Variants in GM2A observed in about 807,000 individuals in gnomAD.
The protein encoded by GM2A is ganglioside GM2 activator.
GM2A carries 7 observed loss-of-function variants against 12.9 expected under a neutral mutation model. The observed-to-expected ratio is 0.54, with a 90% CI of 0.31 to 1.02. The LOEUF is 1.02. Among genes scored for constraint, GM2A ranks in the 50% least tolerant of loss-of-function variants. The probability of loss-of-function intolerance (pLI) is 0.05; values close to 1 mark genes in which losing one functional copy is unlikely to be tolerated. For missense variants in GM2A, 246 were observed against 241.0 expected, an observed-to-expected ratio of 1.02 and a Z score of -0.14; for synonymous variants, 101 against 96.0, an observed-to-expected ratio of 1.05 and a Z score of -0.30.
At chr5:151,255,133 C>A (rs941558753) in intron 1 of GM2A, among the ~76,000 whole-genome samples, 3 of 152,252 alleles carry the variant, frequency 2.0e-5, no homozygotes, top group Admixed American at 2.0e-4. Flanking sequence ...GAAGCCCCAT[C>A]TCTGCAAAAA....
chr5:151,268,803 G>A lies in GM2A; in HGVS notation c.*1352G>A. 1 of 865,124 alleles carries A rather than the reference G, an allele frequency of 1.2e-6. No homozygotes were observed. Among genetic ancestry groups the A allele is most frequent in the Non-Finnish European group, 1.4e-6 (1 of 720,230 alleles). 53.6% of individuals were successfully genotyped at this position (865,124 alleles called of 1,614,324 possible). ...TTTAAAAAGCTGTGCAGTGTGATGT[G>A]TCCCAAACGGACTGGCTCATGGGTG... is the stretch of plus-strand genomic sequence containing the variant. On this transcript the variant is annotated 3_prime_UTR_variant, in exon 4 of 4. Coordinates refer to ENST00000357164, the MANE Select transcript of GM2A (RefSeq NM_000405.5).
chr5:151,270,224 C>A lies in GM2A; in HGVS notation c.*2773C>A, dbSNP rs949393143. Reference sequence around the variant, plus strand: ...GGAGAAAGTTGAAGTTAGACCTGTACTTCACACCATATGCAAGAATGAACT... The same window carrying A: ...GGAGAAAGTTGAAGTTAGACCTGTAATTCACACCATATGCAAGAATGAACT... On this transcript the variant is annotated 3_prime_UTR_variant, in exon 4 of 4. Coordinates refer to ENST00000357164, the MANE Select transcript of GM2A (RefSeq NM_000405.5). 3 of 579,714 alleles carry A rather than the reference C, an allele frequency of 5.2e-6. No individual in the cohort carries two copies. 35.9% of individuals were successfully genotyped at this position (579,714 alleles called of 1,614,324 possible).
intron 2 of GM2A, among the ~76,000 whole-genome samples, chr5:151,265,843 G>A (rs927678782): frequency 3.9e-5 from 6 of 152,188 alleles, no homozygotes; most frequent in South Asian, 2.1e-4. Flanking sequence ...CAGGGAGCCC[G>A]TACTCCTTGA....
At chr5:151,260,744 CAT>C (rs1296805168) in intron 2 of GM2A, among the ~76,000 whole-genome samples, 1 of 152,172 alleles carries the variant, frequency 6.6e-6, no homozygotes, top group Non-Finnish European at 1.5e-5. Flanking sequence ...ACATAACACA[CAT>C]ATTTATTTTT....
Position 151,269,738 on chromosome 5 carries a change from C to T in GM2A, c.*2287C>T, listed in dbSNP as rs1215369940. On this transcript the variant is annotated 3_prime_UTR_variant, in exon 4 of 4. Coordinates refer to ENST00000357164, the MANE Select transcript of GM2A (RefSeq NM_000405.5). ...CGGAATGCCATGCTGAAACTCACTG[C>T]AACCCCACGGTCCCGCTTTAAGGTC... The T allele has an allele frequency of 2.5e-5, 4 of 162,462 alleles. No individual in the cohort carries two copies. Among genetic ancestry groups the T allele is most frequent in the Non-Finnish European group, 3.9e-5 (3 of 76,960 alleles). The allele number at this position is 162,462 out of a possible 1,614,324, so 10.1% of individuals were successfully genotyped here. A position where few individuals can be genotyped will look rare whatever the true frequency, so the allele number is the denominator to read the frequency against.
chr5:151,263,341 AT>A (rs898767089), intron 2 of GM2A, among the ~76,000 whole-genome samples: 20 of 151,840 alleles, frequency 1.3e-4, no homozygotes, highest in African/African-American at 4.8e-4. Flanking sequence ...AAGTGCTGGG[AT>A]TACAGGCGTG....
rs1386828704 is a variant in GM2A, at chr5:151,253,216, G to A, written c.-1G>A. On this transcript the variant is annotated 5_prime_UTR_variant, in exon 1 of 4. Transcript: ENST00000357164. ...AACTCCGCCCTGACCCACCCTTCCC[G>A]ATGCAGTCCCTGATGCAGGCTCCCC... 3 of 1,613,424 alleles carry A rather than the reference G, an allele frequency of 1.9e-6. No homozygotes were observed. Among genetic ancestry groups the A allele is most frequent in the South Asian group, 1.1e-5 (1 of 91,070 alleles).
At chr5:151,256,062 G>A (rs1273763363) in intron 1 of GM2A, among the ~76,000 whole-genome samples, 1 of 152,138 alleles carries the variant, frequency 6.6e-6, no homozygotes. Context: ...GGGTGACAGT[G>A]AATGAACATC....
intron 1 of GM2A, among the ~76,000 whole-genome samples, chr5:151,257,633 T>C (rs781287080): frequency 4.6e-5 from 7 of 152,184 alleles, no homozygotes; most frequent in African/African-American, 7.2e-5. Context: ...CTATAGTAAA[T>C]GCAACCTCCC....
rs761411485 is a variant in GM2A, at chr5:151,267,292, G to A, written c.427-4G>A. On this transcript the variant is annotated splice_region_variant and splice_polypyrimidine_tract_variant and intron_variant, in intron 3 of 3. Transcript: ENST00000357164. Reference sequence around the variant, plus strand: ...TGACTGGCGGTCCACTGGCTTTCCCGCAGGGAACCTACTCACTGCCCAAGA... The same window carrying A: ...TGACTGGCGGTCCACTGGCTTTCCCACAGGGAACCTACTCACTGCCCAAGA... 36 of 1,613,956 alleles carry A rather than the reference G, an allele frequency of 2.2e-5. No individual in the cohort carries two copies. The highest frequency in any genetic ancestry group is 1.6e-4 in the Middle Eastern group (1 of 6,084).
At chr5:151,255,996 C>A (rs1009518745) in intron 1 of GM2A, among the ~76,000 whole-genome samples, 2 of 152,090 alleles carry the variant, frequency 1.3e-5, no homozygotes, top group Non-Finnish European at 2.9e-5. Context: ...TCTTGGGGCT[C>A]ATGTGATTCA....
Position 151,266,902 on chromosome 5 carries a change from C to A in GM2A, c.415C>A (p.Pro139Thr), listed in dbSNP as rs767374072. The part of the protein sequence containing the change: ...LRTYGLPCHC[P>T]FKEGTYSLPK... ...TACCTATGGGCTTCCTTGCCACTGTCCCTTCAAAGAAGTAAGTACTTAGGG... is the reference window on the plus strand; with the variant it reads ...TACCTATGGGCTTCCTTGCCACTGTACCTTCAAAGAAGTAAGTACTTAGGG... The change falls in exon 3 of 4, where the codon CCC (proline) becomes ACC (threonine). Residue 139 changes from proline to threonine, a missense_variant. By Grantham distance (38) the Pro-to-Thr change is conservative (BLOSUM62 -1). Transcript: ENST00000357164. The A allele has an allele frequency of 4.3e-6, 7 of 1,613,114 alleles. No homozygotes were observed. The South Asian group carries it at 6.6e-5, about 15-fold the overall frequency.
chr5:151,269,572 C>T lies in GM2A; in HGVS notation c.*2121C>T. On this transcript the variant is annotated 3_prime_UTR_variant, in exon 4 of 4. Coordinates refer to ENST00000357164, the MANE Select transcript of GM2A (RefSeq NM_000405.5). Reference sequence around the variant, plus strand: ...GGAGCAAAGACCACCTGGTGACTATCAGGCCATGCAGAGGCAAAACGCCTT... The same window carrying T: ...GGAGCAAAGACCACCTGGTGACTATTAGGCCATGCAGAGGCAAAACGCCTT... 2 of 432,022 alleles carry T rather than the reference C, an allele frequency of 4.6e-6. No individual in the cohort carries two copies. Among genetic ancestry groups the T allele is most frequent in the Non-Finnish European group, 6.2e-6 (2 of 323,718 alleles). 26.8% of individuals were successfully genotyped at this position (432,022 alleles called of 1,614,324 possible).
intron 1 of GM2A, among the ~76,000 whole-genome samples, chr5:151,253,642 TTA>T (rs1753633062): frequency 6.6e-6 from 1 of 151,500 alleles, no homozygotes; most frequent in Non-Finnish European, 1.5e-5. Context: ...CCCCCACTCC[TTA>T]TGTCCCCCAT....
intron 2 of GM2A, among the ~76,000 whole-genome samples, chr5:151,261,344 G>A (rs906624159): frequency 1.3e-5 from 2 of 152,166 alleles, no homozygotes; most frequent in African/African-American, 4.8e-5. Context: ...ATTTTTAATG[G>A]CAGAAATATT....
At chr5:151,265,790 C>T (rs565110967) in intron 2 of GM2A, among the ~76,000 whole-genome samples, 20 of 152,330 alleles carry the variant, frequency 1.3e-4, no homozygotes, top group African/African-American at 4.3e-4. Flanking sequence ...TCACCCAGCC[C>T]TACTCCAGGC....
chr5:151,267,128 C>A, intron 3 of GM2A, 168 bp from the exon 4 acceptor site: 1 of 926,808 alleles, frequency 1.1e-6, no homozygotes, highest in Non-Finnish European at 1.7e-6. Flanking sequence ...GCCCTTTATC[C>A]ATAATAATCC....
In GM2A at chr5:151,270,069, G is replaced by T. The variant is rs1190844019; in HGVS notation, c.*2618G>T. The T allele has an allele frequency of 8.9e-6, 11 of 1,230,502 alleles. No individual in the cohort carries two copies. The highest frequency in any genetic ancestry group is 1.1e-5 in the Non-Finnish European group (11 of 987,752). 76.2% of individuals were successfully genotyped at this position (1,230,502 alleles called of 1,614,324 possible). On this transcript the variant is annotated 3_prime_UTR_variant, in exon 4 of 4. Transcript: ENST00000357164. ...TAGCTCAGTTAATCTTTTTATGTCT[G>T]CTCTGCTCTTGGGTCATATGTTCCG...
rs149128005 is a variant in GM2A, at chr5:151,262,062, A to T, written c.243+2146A>T. Among the ~76,000 whole-genome samples the T allele has an allele frequency of 3.3e-4, 50 of 152,344 alleles. No homozygotes were observed. The East Asian group carries it at 9.4e-3, about 29-fold the overall frequency. ...CCTGCATCATTCCTAGTGAGCGTAG[A>T]TGTCTATTCATAAGTTTATTTGCCT... On this transcript the variant is annotated intron_variant, in intron 2 of 3. Transcript: ENST00000357164.
Sources: gnomAD v4.1 joint callset for allele counts (sites outside exome capture counted in the v4.1 genomes callset) on GRCh38, gnomAD v4.1.1 for gene constraint, MANE v1.5 for transcripts, NCBI Gene and HGNC (gene_info 2026-07-23, HGNC 2026-07-21) for gene names.